RAD51: variants seen among roughly 807,000 people sequenced by gnomAD.
The protein encoded by RAD51 is DNA repair protein RAD51 homolog 1.
RAD51 carries 14 observed loss-of-function variants against 41.5 expected under a neutral mutation model. That is an observed-to-expected ratio of 0.34 (90% CI 0.22 to 0.53). The LOEUF is 0.53. Ranked by LOEUF, RAD51 falls within the 20% of genes least tolerant of loss-of-function variation. The pLI is 0.95. For missense variants in RAD51, 234 were observed against 422.0 expected (o/e 0.55, Z 3.90); for synonymous variants, 136 against 148.6 (o/e 0.92, Z 0.62).
In RAD51 at chr15:40,729,849, T is replaced by C. The variant is rs770589267; in HGVS notation, c.775-4T>C. The C allele has an allele frequency of 6.2e-7, 1 of 1,614,188 alleles. No individual in the cohort carries two copies. Among genetic ancestry groups the C allele is most frequent in the Admixed American group, 1.7e-5 (1 of 60,012 alleles). On this transcript the variant is annotated splice_region_variant and splice_polypyrimidine_tract_variant and intron_variant, in intron 8 of 9. Transcript: ENST00000267868. ...AAAATTGACATTTATCCTTTCCCCA[T>C]CAGTTTGGTGTAGCAGTGGTAATCA...
At chr15:40,709,231 A>T in intron 5 of RAD51, 115 bp downstream of exon 5, 1 of 840,856 alleles carries the variant, frequency 1.2e-6, no homozygotes, top group Non-Finnish European at 2.0e-6. Flanking sequence ...CAAGAATCTT[A>T]TAGCTGTTAA....
chr15:40,714,832 A>G (rs2141849479), intron 5 of RAD51, among the ~76,000 whole-genome samples: 1 of 152,314 alleles, frequency 6.6e-6, no homozygotes, highest in Middle Eastern at 3.4e-3. Context: ...AGCTACAGTT[A>G]GGTTACAAAA....
intron 6 of RAD51, among the ~76,000 whole-genome samples, chr15:40,719,557 G>A (rs1413176720): frequency 6.6e-6 from 1 of 152,222 alleles, no homozygotes; most frequent in Non-Finnish European, 1.5e-5. Flanking sequence ...CATTGGCTGG[G>A]CGCTGTGGCT....
chr15:40,698,896 A>AG, intron 2 of RAD51, 51 bp downstream of exon 2: 3 of 1,526,216 alleles, frequency 2.0e-6, no homozygotes, highest in Non-Finnish European at 2.7e-6. Flanking sequence ...TCTTCTACCT[A>AG]GTGGAAGGTA....
chr15:40,716,203 G>T (rs968791086), intron 5 of RAD51, among the ~76,000 whole-genome samples: 2 of 152,010 alleles, frequency 1.3e-5, no homozygotes, highest in Non-Finnish European at 2.9e-5. Flanking sequence ...CCATAAGGTC[G>T]GTTTTATTTA....
Position 40,698,377 on chromosome 15 carries a change from C to T in RAD51, c.-2-380C>T, listed in dbSNP as rs535449417. On this transcript the variant is annotated intron_variant, in intron 1 of 9. Transcript: ENST00000267868. ...CTAATATTTGTATTTTTAGTAGGGACGGGGTTTCGCATGTTGGCCGGGATG... is the reference window on the plus strand; with the variant it reads ...CTAATATTTGTATTTTTAGTAGGGATGGGGTTTCGCATGTTGGCCGGGATG... 4.0e-5 allele frequency among the ~76,000 whole-genome samples: 6 copies of T among 151,818 alleles called. No homozygotes were observed. In the South Asian group the frequency reaches 8.3e-4, roughly 21 times the overall value.
At chr15:40,698,118 G>A (rs1263296033) in intron 1 of RAD51, among the ~76,000 whole-genome samples, 1 of 151,572 alleles carries the variant, frequency 6.6e-6, no homozygotes, top group Non-Finnish European at 1.5e-5. Context: ...GCCGCCCCCT[G>A]CAACAGCTGC....
intron 3 of RAD51, among the ~76,000 whole-genome samples, chr15:40,702,353 T>C (rs1290025913): frequency 2.0e-5 from 3 of 152,204 alleles, no homozygotes; most frequent in Admixed American, 1.3e-4. Context: ...TGCGAGATCT[T>C]GGTTTCAGAA....
intron 5 of RAD51, among the ~76,000 whole-genome samples, 191 bp downstream of exon 5, chr15:40,709,307 T>A (rs1389261705): frequency 6.6e-6 from 1 of 151,822 alleles, no homozygotes; most frequent in Non-Finnish European, 1.5e-5. Context: ...ATCATTGATC[T>A]CCTATCAGAT....
intron 6 of RAD51, among the ~76,000 whole-genome samples, chr15:40,725,943 G>A (rs1896557817): frequency 6.6e-6 from 1 of 151,862 alleles, no homozygotes. Context: ...CCAGGATCGT[G>A]CCACTGTACT....
At position 40,700,934 on chromosome 15, in the gene RAD51, C is replaced by A. The variant is rs1020672426; in HGVS notation, c.88-130C>A. 2.5e-5 allele frequency: 21 copies of A among 850,718 alleles called. 1 individual carries two copies. The highest frequency in any genetic ancestry group is 3.4e-4 in the Middle Eastern group (1 of 2,912). 52.7% of individuals were successfully genotyped at this position (850,718 alleles called of 1,614,324 possible). A position where few individuals can be genotyped will look rare whatever the true frequency, so the allele number is the denominator to read the frequency against. On this transcript the variant is annotated intron_variant, in intron 2 of 9. Coordinates refer to ENST00000267868, the MANE Select transcript of RAD51 (RefSeq NM_002875.5). ...CCAACTTCCCATCTCCCCCCGCCCC[C>A]CCAAGGATTTCAAGGGACAGTTGTA...
At chr15:40,720,659 A>G (rs1361965740) in intron 6 of RAD51, among the ~76,000 whole-genome samples, 1 of 152,208 alleles carries the variant, frequency 6.6e-6, no homozygotes, top group Non-Finnish European at 1.5e-5. Context: ...TCAATATACG[A>G]AAATCCATTG....
Position 40,701,086 on chromosome 15 carries a change from A to T in RAD51, c.110A>T (p.Asp37Val), listed in dbSNP as rs756092232. 6.2e-7 allele frequency: 1 copy of T among 1,614,264 alleles called. No homozygotes were observed. The highest frequency in any genetic ancestry group is 1.3e-5 in the African/African-American group (1 of 75,064). The change falls in exon 3 of 10, where the codon GAT becomes GTT. Residue 37 changes from aspartate (D) to valine (V), a missense_variant. Asp to Val is a radical substitution (Grantham distance 152). Transcript: ENST00000267868. ...RLEQCGINANDVKKLEEAGFH... is the reference protein window; with the variant it reads ...RLEQCGINANVVKKLEEAGFH... ...CAGCAGTGTGGCATAAATGCCAACG[A>T]TGTGAAGAAATTGGAAGAAGCTGGA... is the stretch of plus-strand genomic sequence containing the variant.
intron 2 of RAD51, among the ~76,000 whole-genome samples, chr15:40,699,479 C>T (rs1894850993): frequency 6.6e-6 from 1 of 152,138 alleles, no homozygotes; most frequent in African/African-American, 2.4e-5. Context: ...AGAAATGGGT[C>T]TTAACTGTGT....
chr15:40,699,895 T>G (rs1406680467), intron 2 of RAD51, among the ~76,000 whole-genome samples: 1 of 152,176 alleles, frequency 6.6e-6, no homozygotes, highest in Non-Finnish European at 1.5e-5. Flanking sequence ...AGAGAAAGAC[T>G]TGATTCTTCT....
intron 3 of RAD51, among the ~76,000 whole-genome samples, chr15:40,704,396 C>G (rs1380869391): frequency 7.3e-6 from 1 of 136,182 alleles, no homozygotes; most frequent in Non-Finnish European, 1.6e-5. Context: ...CAGTCTCACT[C>G]TCTTGCCCAG....
chr15:40,714,662 C>G (rs1895896939), intron 5 of RAD51, among the ~76,000 whole-genome samples: 1 of 152,130 alleles, frequency 6.6e-6, no homozygotes, highest in African/African-American at 2.4e-5. Flanking sequence ...GAAAAGATTA[C>G]ATTTCATCAG....
At chr15:40,718,714 C>T (rs2141857102) in intron 5 of RAD51, 91 bp from the exon 6 acceptor site, 2 of 1,141,808 alleles carry the variant, frequency 1.8e-6, no homozygotes, top group Non-Finnish European at 2.7e-6. Context: ...TTCCCTTTGC[C>T]TTGGAGGAAT....
At chr15:40,695,465 G>T (rs914306107) in intron 1 of RAD51, 40 bp downstream of exon 1, 3 of 152,224 alleles carry the variant, frequency 2.0e-5, no homozygotes, top group Admixed American at 6.5e-5. Context: ...CCAGAGCCGC[G>T]GCTCGTCCTC....
Sources: gnomAD v4.1 joint callset for allele counts (sites outside exome capture counted in the v4.1 genomes callset) on GRCh38, gnomAD v4.1.1 for gene constraint, MANE v1.5 for transcripts, NCBI Gene and HGNC (gene_info 2026-07-23, HGNC 2026-07-21) for gene names.